Variants in MRPS6 observed in about 807,000 individuals in gnomAD.
MRPS6 encodes mitochondrial ribosomal protein S6.
Under a neutral mutation model 13.1 loss-of-function variants are expected in MRPS6, and 6 were observed. That is an observed-to-expected ratio of 0.46 (90% CI 0.25 to 0.91). The LOEUF is 0.91. Ranked by LOEUF, MRPS6 falls within the 40% of genes least tolerant of loss-of-function variation. The probability of loss-of-function intolerance (pLI) is 0.18; values close to 1 mark genes in which losing one functional copy is unlikely to be tolerated. For synonymous variants in MRPS6, 61 were observed against 56.5 expected (o/e 1.08, Z -0.36); for missense variants, 164 against 155.6 (o/e 1.05, Z -0.29).
chr21:34,109,843 C>T (rs1378042249), intron 1 of MRPS6, among the ~76,000 whole-genome samples: 1 of 151,818 alleles, frequency 6.6e-6, no homozygotes, highest in Non-Finnish European at 1.5e-5. Flanking sequence ...TGCATCAAAA[C>T]ATCACATTGT....
Position 34,081,187 on chromosome 21 carries a change from C to T in MRPS6, c.45+7442C>T, listed in dbSNP as rs550272811. On this transcript the variant is annotated intron_variant, in intron 1 of 2. Coordinates refer to ENST00000399312, the MANE Select transcript of MRPS6 (RefSeq NM_032476.4). ...GTTTTACAAGGATCTTTTAAACTTTCCACTTTAATGAAGCTGAAACTGGAA... is the reference window on the plus strand; with the variant it reads ...GTTTTACAAGGATCTTTTAAACTTTTCACTTTAATGAAGCTGAAACTGGAA... Among the ~76,000 whole-genome samples the T allele has an allele frequency of 2.0e-5, 3 of 152,116 alleles. 1 individual carries two copies. The South Asian group carries it at 6.2e-4, about 32-fold the overall frequency.
chr21:34,112,148 C>A (rs935986499), intron 1 of MRPS6, among the ~76,000 whole-genome samples: 2 of 152,068 alleles, frequency 1.3e-5, no homozygotes, highest in African/African-American at 4.8e-5. Flanking sequence ...ATAATCTTTT[C>A]TTCCTTTCTA....
intron 1 of MRPS6, among the ~76,000 whole-genome samples, chr21:34,088,149 T>A (rs113294544): frequency 0.012 from 1,753 of 152,360 alleles, 38 homozygotes; most frequent in South Asian, 0.081. Flanking sequence ...AGCTAATTCC[T>A]TTAACTTAAT....
chr21:34,077,896 A>C (rs191795537), intron 1 of MRPS6, among the ~76,000 whole-genome samples: 1 of 152,172 alleles, frequency 6.6e-6, no homozygotes, highest in Non-Finnish European at 1.5e-5. Flanking sequence ...ACACCTGGCA[A>C]AAGTTTTGTA....
At chr21:34,116,176 T>TTTTGTG (rs1556008457) in intron 1 of MRPS6, among the ~76,000 whole-genome samples, 2 of 81,212 alleles carry the variant, frequency 2.5e-5, no homozygotes, top group Admixed American at 1.3e-4. Flanking sequence ...GCCCAGCTAA[T>TTTTGTG]TTTGTGTGTG....
chr21:34,098,305 C>G (rs1979066125), intron 1 of MRPS6: 1 of 999,924 alleles, frequency 1.0e-6, no homozygotes, highest in Non-Finnish European at 1.2e-6. Flanking sequence ...CTAGGTGGAT[C>G]CAGTTGGAAG....
chr21:34,113,572 C>G (rs1037715906), intron 1 of MRPS6, among the ~76,000 whole-genome samples: 5 of 152,138 alleles, frequency 3.3e-5, no homozygotes, highest in Admixed American at 6.5e-5. Context: ...CTTTCTCTTC[C>G]CTGCTCTACA....
rs1979293523 is a variant in MRPS6, at chr21:34,102,572, A to G, written c.46-22769A>G. 3.0e-6 allele frequency: 3 copies of G among 1,000,000 alleles called. No individual in the cohort carries two copies. The South Asian group carries it at 1.4e-4, about 47-fold the overall frequency. 61.9% of individuals were successfully genotyped at this position (1,000,000 alleles called of 1,614,324 possible). A position where few individuals can be genotyped will look rare whatever the true frequency, so the allele number is the denominator to read the frequency against. Reference sequence around the variant, plus strand: ...TGCACTTTACTTTTTGGGCAGTACCATACATAGTCTGAGGCTATTGACTTA... The same window carrying G: ...TGCACTTTACTTTTTGGGCAGTACCGTACATAGTCTGAGGCTATTGACTTA... On this transcript the variant is annotated intron_variant, in intron 1 of 2. Transcript: ENST00000399312.
At chr21:34,080,279 T>G (rs1989429537) in intron 1 of MRPS6, among the ~76,000 whole-genome samples, 1 of 152,228 alleles carries the variant, frequency 6.6e-6, no homozygotes, top group African/African-American at 2.4e-5. Context: ...TACTGCATAC[T>G]TCTCATTTTC....
chr21:34,109,849 A>G (rs529544988), intron 1 of MRPS6, among the ~76,000 whole-genome samples: 8 of 152,078 alleles, frequency 5.3e-5, no homozygotes, highest in Admixed American at 4.6e-4. Context: ...AAAACATCAC[A>G]TTGTTTACCT....
chr21:34,139,873 T>C (rs1316897856), intron 2 of MRPS6, among the ~76,000 whole-genome samples: 1 of 152,198 alleles, frequency 6.6e-6, no homozygotes, highest in Non-Finnish European at 1.5e-5. Flanking sequence ...CCCCAGCGCC[T>C]GACCTTGCAA....
Position 34,138,738 on chromosome 21 carries a change from T to G in MRPS6, c.186-3670T>G, listed in dbSNP as rs62212137. Among the ~76,000 whole-genome samples, 39 of 152,276 alleles carry G rather than the reference T, an allele frequency of 2.6e-4. 2 individuals carry two copies. The highest frequency in any genetic ancestry group is 7.2e-4 in the African/African-American group (30 of 41,536). On this transcript the variant is annotated intron_variant, in intron 2 of 2. Coordinates refer to ENST00000399312, the MANE Select transcript of MRPS6 (RefSeq NM_032476.4). ...ATAGGAACACTTTTACACTGTTGGT[T>G]GGACTGTAAACTAGTTCAACCATTG...
chr21:34,113,775 G>A (rs942294714), intron 1 of MRPS6, among the ~76,000 whole-genome samples: 11 of 152,318 alleles, frequency 7.2e-5, no homozygotes, highest in Middle Eastern at 3.4e-3. Context: ...AGTCCACCAG[G>A]TGATATTTTT....
At chr21:34,112,195 A>T (rs944770416) in intron 1 of MRPS6, among the ~76,000 whole-genome samples, 6 of 152,070 alleles carry the variant, frequency 3.9e-5, no homozygotes, top group African/African-American at 1.4e-4. Flanking sequence ...TTATTTCTCA[A>T]TTCTCCATTT....
At position 34,142,875 on chromosome 21, in the gene MRPS6, C is replaced by G. The variant is rs1428893295; in HGVS notation, c.*275C>G. On this transcript the variant is annotated 3_prime_UTR_variant, in exon 3 of 3. Transcript: ENST00000399312. ...TTGTCATTGAGGACTTTTCCCCTTA[C>G]AACAGTAACACCATTTTTTGAAGAG... The G allele has an allele frequency of 3.6e-6, 1 of 276,466 alleles. No individual in the cohort carries two copies. The highest frequency in any genetic ancestry group is 1.0e-4 in the South Asian group (1 of 9,644). 17.1% of individuals were successfully genotyped at this position (276,466 alleles called of 1,614,324 possible).
intron 1 of MRPS6, among the ~76,000 whole-genome samples, chr21:34,090,292 C>G (rs1330059960): frequency 6.6e-6 from 1 of 152,200 alleles, no homozygotes; most frequent in Non-Finnish European, 1.5e-5. Context: ...GAGGACAGTC[C>G]TATGTGAGTA....
chr21:34,136,334 G>A (rs915967065), intron 2 of MRPS6, among the ~76,000 whole-genome samples: 6 of 152,042 alleles, frequency 3.9e-5, no homozygotes, highest in African/African-American at 1.4e-4. Context: ...TTTTGGTAGA[G>A]GTAGGGTTTC....
intron 1 of MRPS6, chr21:34,099,596 G>A: frequency 1.0e-6 from 1 of 999,484 alleles, no homozygotes; most frequent in South Asian, 4.7e-5. Flanking sequence ...AATAGGAGGT[G>A]TTTGTGATTT....
intron 1 of MRPS6, among the ~76,000 whole-genome samples, chr21:34,074,459 C>T (rs1989274507): frequency 6.6e-6 from 1 of 152,220 alleles, no homozygotes; most frequent in Non-Finnish European, 1.5e-5. Flanking sequence ...CTTCCCCCTG[C>T]TTTTGATTGA....
Sources: allele counts gnomAD v4.1 joint callset (sites outside exome capture counted in the v4.1 genomes callset), GRCh38; gene constraint gnomAD v4.1.1; transcripts MANE v1.5; gene names NCBI Gene and HGNC (gene_info 2026-07-23, HGNC 2026-07-21).